Variants in ABTB3 observed in about 807,000 individuals in gnomAD.
ABTB3 encodes the protein ankyrin repeat- and BTB/POZ domain-containing protein 3.
chr12:107,602,790 C>A, the ABTB3 span, among the ~76,000 whole-genome samples: 1 of 152,178 alleles, frequency 6.6e-6, no homozygotes, highest in African/African-American at 2.4e-5. Flanking sequence ...ATTAACTCCC[C>A]GCCTCGGTGC....
the ABTB3 span, among the ~76,000 whole-genome samples, chr12:107,601,631 T>C: frequency 6.6e-6 from 1 of 152,176 alleles, no homozygotes; most frequent in Non-Finnish European, 1.5e-5. Context: ...GGATGGACTA[T>C]GGAGCCAGAC....
At chr12:107,637,746 G>A in the ABTB3 span, among the ~76,000 whole-genome samples, 1 of 151,600 alleles carries the variant, frequency 6.6e-6, no homozygotes, top group South Asian at 2.1e-4. Context: ...CTAGACAATA[G>A]GGAGTGGTGG....
the ABTB3 span, among the ~76,000 whole-genome samples, chr12:107,615,613 A>C: frequency 6.6e-6 from 1 of 152,222 alleles, no homozygotes; most frequent in Non-Finnish European, 1.5e-5. Context: ...TGTTTCCAAA[A>C]GACACTTGCT....
At chr12:107,570,157 G>A in the ABTB3 span, among the ~76,000 whole-genome samples, 4 of 152,188 alleles carry the variant, frequency 2.6e-5, no homozygotes, top group Non-Finnish European at 5.9e-5. Flanking sequence ...AGGAGAACAC[G>A]TATAGAGGGA....
the ABTB3 span, among the ~76,000 whole-genome samples, chr12:107,490,977 AG>A: frequency 6.6e-6 from 1 of 152,116 alleles, no homozygotes; most frequent in Non-Finnish European, 1.5e-5. Context: ...AGGGCTTATG[AG>A]GGGCAGAGCT....
the ABTB3 span, among the ~76,000 whole-genome samples, chr12:107,420,306 A>G: frequency 2.0e-5 from 3 of 152,210 alleles, no homozygotes; most frequent in Non-Finnish European, 2.9e-5. Flanking sequence ...CTATGAAGAA[A>G]TACCTGAGAC....
At chr12:107,607,372 A>T in the ABTB3 span, among the ~76,000 whole-genome samples, 3 of 152,304 alleles carry the variant, frequency 2.0e-5, no homozygotes, top group East Asian at 5.8e-4. Context: ...CCATAGACTG[A>T]AGTCAGGCTC....
the ABTB3 span, among the ~76,000 whole-genome samples, chr12:107,598,191 G>A: frequency 6.6e-6 from 1 of 152,184 alleles, no homozygotes; most frequent in Non-Finnish European, 1.5e-5. Context: ...GTCCCAGGAG[G>A]GTGGTGAGAG....
the ABTB3 span, among the ~76,000 whole-genome samples, chr12:107,407,801 G>A: frequency 3.3e-5 from 5 of 152,060 alleles, no homozygotes; most frequent in African/African-American, 9.7e-5. Flanking sequence ...TGGTGATGGC[G>A]GCGACTCAGG....
the ABTB3 span, among the ~76,000 whole-genome samples, chr12:107,566,055 G>A: frequency 6.6e-6 from 1 of 152,150 alleles, no homozygotes; most frequent in Non-Finnish European, 1.5e-5. Context: ...AGACTGCGAA[G>A]TAAATTGCGT....
chr12:107,324,690 G>T, the ABTB3 span, among the ~76,000 whole-genome samples: 1 of 151,660 alleles, frequency 6.6e-6, no homozygotes, highest in African/African-American at 2.4e-5. Flanking sequence ...CCTAGTATTT[G>T]TGCATTTTAC....
the ABTB3 span, among the ~76,000 whole-genome samples, chr12:107,398,844 C>A: frequency 4.6e-5 from 7 of 152,172 alleles, no homozygotes; most frequent in Non-Finnish European, 1.0e-4. Context: ...GCAATACCTT[C>A]TAAGAATCAG....
chr12:107,622,726 A>C, the ABTB3 span, among the ~76,000 whole-genome samples: 2 of 152,208 alleles, frequency 1.3e-5, no homozygotes, highest in African/African-American at 2.4e-5. Context: ...CTCCCACCTC[A>C]GCCTCCCCAG....
the ABTB3 span, among the ~76,000 whole-genome samples, chr12:107,421,295 G>C: frequency 2.0e-5 from 3 of 152,174 alleles, no homozygotes; most frequent in Non-Finnish European, 2.9e-5. Flanking sequence ...AAAAAGGAGA[G>C]ATCTGTTACT....
chr12:107,510,480 A>G, the ABTB3 span, among the ~76,000 whole-genome samples: 1 of 152,038 alleles, frequency 6.6e-6, no homozygotes, highest in Admixed American at 6.6e-5. Context: ...TCACACTCTA[A>G]TGCTGGAGAT....
At chr12:107,412,949 A>G in the ABTB3 span, among the ~76,000 whole-genome samples, 24 of 152,186 alleles carry the variant, frequency 1.6e-4, no homozygotes, top group African/African-American at 4.3e-4. Flanking sequence ...CAACTGGGAA[A>G]TGGCACTTCC....
the ABTB3 span, among the ~76,000 whole-genome samples, chr12:107,413,015 C>G: frequency 7.9e-5 from 12 of 152,146 alleles, no homozygotes; most frequent in Admixed American, 5.9e-4. Context: ...TGGCTCACGC[C>G]TGTAATCCCA....
the ABTB3 span, among the ~76,000 whole-genome samples, chr12:107,409,265 G>C: frequency 6.6e-6 from 1 of 152,236 alleles, no homozygotes; most frequent in Non-Finnish European, 1.5e-5. Context: ...TATGTAGTTT[G>C]CAGGCTCCAG....
chr12:107,607,664 C>A, the ABTB3 span, among the ~76,000 whole-genome samples: 4 of 152,194 alleles, frequency 2.6e-5, no homozygotes, highest in African/African-American at 9.7e-5. Context: ...TGGCTCCAGT[C>A]CTTGGAGTCC....
Sources: allele counts gnomAD v4.1 joint callset (sites outside exome capture counted in the v4.1 genomes callset), GRCh38; gene constraint gnomAD v4.1.1; transcripts MANE v1.5; gene names NCBI Gene and HGNC (gene_info 2026-07-23, HGNC 2026-07-21).